The following MFSD12 variants were observed in gnomAD, a reference collection of about 807,000 sequenced individuals.
The protein encoded by MFSD12 is major facilitator superfamily domain-containing protein 12.
Under a neutral mutation model 51.2 loss-of-function variants are expected in MFSD12, and 67 were observed. That is an observed-to-expected ratio of 1.31 (90% confidence interval 1.08 to 1.60). The LOEUF (loss-of-function observed/expected upper bound fraction) is 1.60, where lower values mean the gene tolerates loss of function less well. Ranked by LOEUF, MFSD12 falls within the 40% of genes most tolerant of loss-of-function variation. MFSD12 has a pLI of 0.00. For synonymous variants in MFSD12, 441 were observed against 316.7 expected, an observed-to-expected ratio of 1.39 and a Z score of -4.17; for missense variants, 921 against 673.0, an observed-to-expected ratio of 1.37 and a Z score of -4.08.
intron 6 of MFSD12, among the ~76,000 whole-genome samples, 195 bp from the exon 7 acceptor site, chr19:3,546,620 C>T (rs1020708843): frequency 5.9e-5 from 9 of 152,258 alleles, no homozygotes; most frequent in African/African-American, 9.6e-5. Context: ...TCTCTGTCCA[C>T]GCCGTAGCGG....
At chr19:3,542,329 C>T, downstream of MFSD12, 1 of 985,442 alleles carries the variant, frequency 1.0e-6, no homozygotes. Context: ...GCCATGAGAG[C>T]TGGAACCGGG....
At chr19:3,542,706 C>T (rs1217323449), downstream of MFSD12, 2 of 1,277,682 alleles carry the variant, frequency 1.6e-6, no homozygotes, top group East Asian at 5.5e-5. Flanking sequence ...TGGTCTCGAA[C>T]TCCTGACCTC....
chr19:3,540,871 CAAAA>C (rs1161701645), downstream of MFSD12, among the ~76,000 whole-genome samples: 20 of 61,056 alleles, frequency 3.3e-4, no homozygotes, highest in Non-Finnish European at 4.6e-4. Flanking sequence ...AACTCCATCT[CAAAA>C]AAAAAAAAAA....
downstream of MFSD12, among the ~76,000 whole-genome samples, chr19:3,540,538 G>T (rs1344812669): frequency 6.6e-6 from 1 of 151,678 alleles, no homozygotes; most frequent in Non-Finnish European, 1.5e-5. Context: ...TTACAGGCGT[G>T]AGGCACCGCG....
In MFSD12 at chr19:3,544,749, G is replaced by T. The variant is rs531381176; in HGVS notation, c.1421-17C>A. 2 of 1,412,652 alleles carry T rather than the reference G, an allele frequency of 1.4e-6. No individual in the cohort carries two copies. The highest frequency in any genetic ancestry group is 2.3e-5 in the South Asian group (2 of 87,570). 87.5% of individuals were successfully genotyped at this position (1,412,652 alleles called of 1,614,324 possible). A position where few individuals can be genotyped will look rare whatever the true frequency, so the allele number is the denominator to read the frequency against. ...CACGGTCCCCTGCAAGGGAGGGGTG[G>T]AAATGGCATTAGAGAGTGTGGGTCA... On this transcript the variant is annotated splice_polypyrimidine_tract_variant and intron_variant, in intron 9 of 9. Transcript: ENST00000355415.
chr19:3,544,686 A>G lies in MFSD12; in HGVS notation c.*24T>C. On this transcript the variant is annotated 3_prime_UTR_variant, in exon 10 of 10. Transcript: ENST00000355415. ...TCGTGCGTCCCCACAGTTCCCTTGC[A>G]CAGGTGCAGGAGGCTGTCAGGAGTC... 1 of 1,585,698 alleles carries G rather than the reference A, an allele frequency of 6.3e-7. No individual in the cohort carries two copies. The highest frequency in any genetic ancestry group is 1.3e-5 in the African/African-American group (1 of 74,594).
Position 3,557,321 on chromosome 19 carries a change from C to G in MFSD12, c.83G>C (p.Gly28Ala). The G allele has an allele frequency of 1.9e-6, 3 of 1,583,446 alleles. No individual in the cohort carries two copies. Among genetic ancestry groups the G allele is most frequent in the Non-Finnish European group, 2.6e-6 (3 of 1,166,958 alleles). ...CGCGCACAGGTCGTTGAGGAAGTGG[C>G]CCACGGCGTAGCTCAGCCGCGCCAC... ...SLVARLSYAV[G>A]HFLNDLCASM... The change falls in exon 1 of 10, where the codon GGC (glycine) becomes GCC (alanine). Residue 28 changes from glycine (G) to alanine (A), a missense_variant. Coordinates refer to ENST00000355415, the MANE Select transcript of MFSD12 (RefSeq NM_174983.5).
intron 1 of MFSD12, among the ~76,000 whole-genome samples, chr19:3,553,289 C>CCT (rs896372599): frequency 6.6e-6 from 1 of 152,150 alleles, no homozygotes; most frequent in Non-Finnish European, 1.5e-5. Context: ...AGTGACTGTG[C>CCT]CTCTCTAGGC....
At chr19:3,554,450 C>CAAAAAAAAAAA (rs1187548758) in intron 1 of MFSD12, among the ~76,000 whole-genome samples, 3 of 71,758 alleles carry the variant, frequency 4.2e-5, no homozygotes, top group Admixed American at 1.5e-4. Context: ...AACAACAAAA[C>CAAAAAAAAAAA]AAAAAAAAAA....
chr19:3,553,633 G>A (rs1284148850), intron 1 of MFSD12, among the ~76,000 whole-genome samples: 1 of 150,686 alleles, frequency 6.6e-6, no homozygotes, highest in African/African-American at 2.4e-5. Context: ...AGCCGGGCGT[G>A]GCGGCGGGCG....
chr19:3,548,311 T>C, intron 2 of MFSD12, 44 bp from the exon 3 acceptor site: 1 of 1,540,608 alleles, frequency 6.5e-7, no homozygotes, highest in South Asian at 1.2e-5. Flanking sequence ...GCCAGGAACC[T>C]GGGTCACTTC....
chr19:3,548,047 A>G lies in MFSD12; in HGVS notation c.655-17T>C, dbSNP rs368238008. 1.9e-6 allele frequency: 3 copies of G among 1,600,168 alleles called. No individual in the cohort carries two copies. The highest frequency in any genetic ancestry group is 2.5e-6 in the Non-Finnish European group (3 of 1,179,326). On this transcript the variant is annotated splice_polypyrimidine_tract_variant and intron_variant, in intron 3 of 9. Coordinates refer to ENST00000355415, the MANE Select transcript of MFSD12 (RefSeq NM_174983.5). ...GGACAGGTTCTGGGGATGCAGCAGA[A>G]GCAGTCAGTGGTGGCGGGCCCAGCC...
downstream of MFSD12, among the ~76,000 whole-genome samples, chr19:3,541,140 G>C (rs1433927738): frequency 2.9e-5 from 4 of 139,088 alleles, no homozygotes; most frequent in Non-Finnish European, 6.1e-5. Context: ...CTGCACTCCA[G>C]CCTGGGTGAC....
At chr19:3,541,721 G>T (rs2030433768), downstream of MFSD12, 14 of 985,272 alleles carry the variant, frequency 1.4e-5, no homozygotes, top group Admixed American at 1.2e-4. Flanking sequence ...CTGCTCCTGG[G>T]AGGAAACACC....
downstream of MFSD12, chr19:3,543,158 C>T: frequency 1.3e-6 from 2 of 1,516,146 alleles, no homozygotes; most frequent in Non-Finnish European, 1.8e-6. Flanking sequence ...ACATCATCCA[C>T]CCTGGCAGAC....
At chr19:3,539,221 C>T (rs1281862644), downstream of MFSD12, 14 of 1,550,512 alleles carry the variant, frequency 9.0e-6, no homozygotes, top group East Asian at 2.4e-5. Context: ...TGTATCCCCT[C>T]GGGGACCCTC....
chr19:3,557,199 C>T lies in MFSD12; in HGVS notation c.205G>A (p.Asp69Asn), dbSNP rs2145231656. The change falls in exon 1 of 10, where the codon GAC (aspartate) becomes AAC (asparagine). Residue 69 changes from aspartate (D) to asparagine (N), a missense_variant. Coordinates refer to ENST00000355415, the MANE Select transcript of MFSD12 (RefSeq NM_174983.5). Reference protein sequence around the residue: ...GLLLLLGQVADGLCTPLVGYE... With the variant: ...GLLLLLGQVANGLCTPLVGYE... ...CCCACGAGCGGTGTGCACAGCCCGT[C>T]GGCCACCTGGCCCAGCAGCAGCAGC... 1.9e-6 allele frequency: 3 copies of T among 1,569,992 alleles called. No individual in the cohort carries two copies. The highest frequency in any genetic ancestry group is 2.8e-5 in the African/African-American group (2 of 72,404).
At chr19:3,539,302 T>G (rs1433799321), downstream of MFSD12, 1 of 757,048 alleles carries the variant, frequency 1.3e-6, no homozygotes, top group Non-Finnish European at 1.7e-6. Context: ...AGCCCCTCCC[T>G]CCCTCCCTCC....
rs2030749145 is a variant in MFSD12, at chr19:3,544,326, C to G, written c.*384G>C. 1.6e-6 allele frequency: 2 copies of G among 1,272,938 alleles called. No individual in the cohort carries two copies. Among genetic ancestry groups the G allele is most frequent in the African/African-American group, 1.5e-5 (1 of 66,000 alleles). The allele number at this position is 1,272,938 out of a possible 1,614,324, so 78.9% of individuals were successfully genotyped here. A position where few individuals can be genotyped will look rare whatever the true frequency, so the allele number is the denominator to read the frequency against. ...CTGTCTCCTCCAGGCTCCAGCCGTCCTGAGGGGGCCCTGGCAGTGTCTGGA... is the reference window on the plus strand; with the variant it reads ...CTGTCTCCTCCAGGCTCCAGCCGTCGTGAGGGGGCCCTGGCAGTGTCTGGA... On this transcript the variant is annotated 3_prime_UTR_variant, in exon 10 of 10. Coordinates refer to ENST00000355415, the MANE Select transcript of MFSD12 (RefSeq NM_174983.5).
Sources: allele counts gnomAD v4.1 joint callset (sites outside exome capture counted in the v4.1 genomes callset), GRCh38; gene constraint gnomAD v4.1.1; transcripts MANE v1.5; gene names NCBI Gene and HGNC (gene_info 2026-07-23, HGNC 2026-07-21).